Variants in KCNH1 observed in about 807,000 individuals in gnomAD.
KCNH1 encodes potassium voltage-gated channel subfamily H member 1.
Under a neutral mutation model 69.2 loss-of-function variants are expected in KCNH1, and 27 were observed. The ratio of observed to expected loss-of-function variants is 0.39; its 90% CI spans 0.29 to 0.54. The LOEUF is 0.54. Among genes scored for constraint, KCNH1 ranks in the 20% least tolerant of loss-of-function variants. The pLI, the probability that KCNH1 is intolerant of heterozygous loss-of-function variation, is 0.68. For synonymous variants in KCNH1, 456 were observed against 487.7 expected, an observed-to-expected ratio of 0.93 and a Z score of 0.86; for missense variants, 798 against 1,261.6, an observed-to-expected ratio of 0.63 and a Z score of 5.57.
chr1:211,064,501 C>T (rs1244482875), intron 5 of KCNH1, among the ~76,000 whole-genome samples: 2 of 152,050 alleles, frequency 1.3e-5, no homozygotes, highest in Admixed American at 6.6e-5. Flanking sequence ...GCGGAGCTTG[C>T]AGTGAGCCAA....
intron 7 of KCNH1, among the ~76,000 whole-genome samples, chr1:210,917,398 A>C (rs1687370328): frequency 6.6e-6 from 1 of 152,050 alleles, no homozygotes; most frequent in Non-Finnish European, 1.5e-5. Flanking sequence ...GGAAGAGAAA[A>C]GAGGCGGTAA....
chr1:210,832,907 C>CATATATATATATATATATATATATAT (rs367619819), intron 7 of KCNH1, among the ~76,000 whole-genome samples: 2,173 of 109,936 alleles, frequency 0.02, 107 homozygotes, highest in Non-Finnish European at 0.035. Context: ...TTCTCAAATA[C>CATATATATATATATATATATATATAT]ATATATATAT....
intron 6 of KCNH1, among the ~76,000 whole-genome samples, chr1:210,951,597 C>T (rs114773420): frequency 3.9e-5 from 6 of 152,208 alleles, no homozygotes; most frequent in Admixed American, 6.5e-5. Flanking sequence ...CAGGGGTTAA[C>T]GGGATCAGCT....
At chr1:210,932,965 C>A (rs1202469184) in intron 6 of KCNH1, among the ~76,000 whole-genome samples, 1 of 152,140 alleles carries the variant, frequency 6.6e-6, no homozygotes, top group Non-Finnish European at 1.5e-5. Context: ...ATCACTTAGA[C>A]AGAAAATCAA....
chr1:211,000,666 A>T (rs1218219669), intron 6 of KCNH1, among the ~76,000 whole-genome samples: 2 of 152,220 alleles, frequency 1.3e-5, no homozygotes, highest in African/African-American at 4.8e-5. Flanking sequence ...AAACTACTTT[A>T]AAGTTGATAT....
At chr1:210,925,515 C>T (rs138184187) in intron 6 of KCNH1, among the ~76,000 whole-genome samples, 5 of 152,298 alleles carry the variant, frequency 3.3e-5, no homozygotes, top group African/African-American at 4.8e-5. Context: ...GAAATAGACT[C>T]GGTGCTGTTG....
At chr1:210,855,728 A>G (rs1217826574) in intron 7 of KCNH1, among the ~76,000 whole-genome samples, 1 of 151,974 alleles carries the variant, frequency 6.6e-6, no homozygotes, top group Non-Finnish European at 1.5e-5. Context: ...GAGTGTCACG[A>G]CTCAGCTGGG....
At chr1:210,748,989 G>A (rs1683223432) in intron 10 of KCNH1, among the ~76,000 whole-genome samples, 1 of 152,142 alleles carries the variant, frequency 6.6e-6, no homozygotes, top group Non-Finnish European at 1.5e-5. Flanking sequence ...CTGTCCACTT[G>A]GCTCTGCTCC....
chr1:210,790,326 C>T (rs984743175), intron 9 of KCNH1, among the ~76,000 whole-genome samples: 33 of 152,152 alleles, frequency 2.2e-4, no homozygotes, highest in Admixed American at 3.9e-4. Flanking sequence ...CAAAATGAAG[C>T]TCACCGTTAT....
chr1:211,006,773 T>C (rs1689294022), intron 6 of KCNH1, among the ~76,000 whole-genome samples: 1 of 152,126 alleles, frequency 6.6e-6, no homozygotes, highest in East Asian at 1.9e-4. Context: ...AAAACCTAAA[T>C]GCCAAATTTT....
chr1:210,859,375 T>C, intron 7 of KCNH1: 4 of 1,552,156 alleles, frequency 2.6e-6, no homozygotes, highest in Admixed American at 1.7e-5. Context: ...CACAGGATTA[T>C]GATTTCGAAT....
At position 210,766,852 on chromosome 1, in the gene KCNH1, T is replaced by A. The variant is rs368071164; in HGVS notation, c.2112+8496A>T. ...AATAGATTCTTTATGTGAGCTCATA[T>A]GCAGGCATTCAAAGTCCCCTTGGAA... On this transcript the variant is annotated intron_variant, in intron 10 of 10. Transcript: ENST00000271751. Among the ~76,000 whole-genome samples the A allele has an allele frequency of 4.6e-5, 7 of 152,370 alleles. No individual in the cohort carries two copies. In the East Asian group the frequency reaches 1.4e-3, roughly 29 times the overall value.
chr1:210,758,005 T>C (rs928649298), intron 10 of KCNH1, among the ~76,000 whole-genome samples: 2 of 152,166 alleles, frequency 1.3e-5, no homozygotes, highest in African/African-American at 4.8e-5. Context: ...CTAGGGAAGC[T>C]CTACTAGGAC....
intron 1 of KCNH1, among the ~76,000 whole-genome samples, chr1:211,128,297 A>G (rs996014060): frequency 2.0e-4 from 31 of 152,084 alleles, no homozygotes; most frequent in African/African-American, 6.0e-4. Context: ...AAAAAAAAAA[A>G]AAAGAAAGAG....
chr1:210,894,581 A>G (rs1302220978), intron 7 of KCNH1, among the ~76,000 whole-genome samples: 1 of 152,114 alleles, frequency 6.6e-6, no homozygotes, highest in Non-Finnish European at 1.5e-5. Flanking sequence ...GATACTTGCT[A>G]TGGTCTGAAT....
intron 6 of KCNH1, among the ~76,000 whole-genome samples, chr1:210,996,843 TAGCCACCGCTGTTCTAC>T (rs1689052751): frequency 1.3e-5 from 2 of 152,126 alleles, no homozygotes; most frequent in Non-Finnish European, 2.9e-5. Context: ...TGCTGTTCTA[TAGCCACCGCTGTTCTAC>T]AGCCACCGCT....
intron 7 of KCNH1, among the ~76,000 whole-genome samples, chr1:210,876,086 G>A (rs2102501391): frequency 6.6e-6 from 1 of 152,276 alleles, no homozygotes; most frequent in Non-Finnish European, 1.5e-5. Flanking sequence ...TGGGAAGGTT[G>A]CAAGCAAACG....
chr1:210,777,743 G>A (rs547820651), intron 9 of KCNH1, among the ~76,000 whole-genome samples: 2 of 152,262 alleles, frequency 1.3e-5, no homozygotes, highest in South Asian at 2.1e-4. Flanking sequence ...GCACATTATG[G>A]TAGGTAGTTA....
At chr1:210,698,120 C>A (rs1327101603) in intron 10 of KCNH1, among the ~76,000 whole-genome samples, 3 of 152,148 alleles carry the variant, frequency 2.0e-5, no homozygotes, top group African/African-American at 7.2e-5. Context: ...TTAAGTATTT[C>A]AGTTGACCTA....
Sources: gnomAD v4.1 joint callset for allele counts (sites outside exome capture counted in the v4.1 genomes callset) on GRCh38, gnomAD v4.1.1 for gene constraint, MANE v1.5 for transcripts, NCBI Gene and HGNC (gene_info 2026-07-23, HGNC 2026-07-21) for gene names.